The following OR6C1 variants were observed in gnomAD, a reference collection of about 807,000 sequenced individuals.
OR6C1 encodes the protein olfactory receptor family 6 subfamily C member 1, also known as olfactory receptor 6C1.
For synonymous variants in OR6C1, 157 were observed against 133.3 expected (o/e 1.18, Z -1.22); for missense variants, 386 against 366.1 (o/e 1.05, Z -0.44).
At chr12:55,320,219 G>C (rs965214669) in intron 1 of OR6C1, among the ~76,000 whole-genome samples, 2 of 152,112 alleles carry the variant, frequency 1.3e-5, no homozygotes, top group Non-Finnish European at 2.9e-5. Flanking sequence ...TAGGAAACTT[G>C]TATAGGGATT....
Position 55,320,653 on chromosome 12 carries a change from C to A in OR6C1, c.54C>A (p.Asp18Glu). 1 of 1,613,464 alleles carries A rather than the reference C, an allele frequency of 6.2e-7. No individual in the cohort carries two copies. The highest frequency in any genetic ancestry group is 1.1e-5 in the South Asian group (1 of 91,008). Residue 18 changes from aspartate to glutamate, a missense_variant, in exon 2 of 2, where the codon GAC becomes GAA. By Grantham distance (45) the Asp-to-Glu change is conservative (BLOSUM62 2). Transcript: ENST00000642104. Reference sequence around the variant, plus strand: ...TTATTCTTCTGGGATTAACAGATGACCCAAATTTTCAGGTTGTAATCTTTG... The same window carrying A: ...TTATTCTTCTGGGATTAACAGATGAACCAAATTTTCAGGTTGTAATCTTTG... Reference protein sequence around the residue: ...TEFILLGLTDDPNFQVVIFVF... With the variant: ...TEFILLGLTDEPNFQVVIFVF...
chr12:55,318,147 ATAAC>A (rs982553443), intron 1 of OR6C1, among the ~76,000 whole-genome samples: 13 of 151,716 alleles, frequency 8.6e-5, no homozygotes, highest in African/African-American at 3.1e-4. Context: ...AGCAGAGAAA[ATAAC>A]TGGCTGTGAG....
chr12:55,320,362 C>T (rs1868509222), intron 1 of OR6C1, among the ~76,000 whole-genome samples: 1 of 152,086 alleles, frequency 6.6e-6, no homozygotes, highest in Non-Finnish European at 1.5e-5. Flanking sequence ...ACTGTGATAA[C>T]AAACTTTAAT....
Position 55,320,652 on chromosome 12 carries a change from A to T in OR6C1, c.53A>T (p.Asp18Val). 6.2e-7 allele frequency: 1 copy of T among 1,613,544 alleles called. No individual in the cohort carries two copies. The highest frequency in any genetic ancestry group is 8.5e-7 in the Non-Finnish European group (1 of 1,179,604). Residue 18 changes from aspartate to valine, a missense_variant, in exon 2 of 2, where the codon GAC becomes GTC. Transcript: ENST00000642104. ...TEFILLGLTD[D>V]PNFQVVIFVF... is the part of the protein sequence containing the mutation. ...TTTATTCTTCTGGGATTAACAGATGACCCAAATTTTCAGGTTGTAATCTTT... is the reference window on the plus strand; with the variant it reads ...TTTATTCTTCTGGGATTAACAGATGTCCCAAATTTTCAGGTTGTAATCTTT...
At chr12:55,318,221 AGTGTGT>A (rs71070867) in intron 1 of OR6C1, among the ~76,000 whole-genome samples, 1,592 of 128,640 alleles carry the variant, frequency 0.012, 7 homozygotes, top group East Asian at 0.019. Flanking sequence ...AGATAAGTGG[AGTGTGT>A]GTGTGTGTGT....
At chr12:55,318,230 G>A (rs990908961) in intron 1 of OR6C1, among the ~76,000 whole-genome samples, 2 of 145,800 alleles carry the variant, frequency 1.4e-5, no homozygotes, top group Non-Finnish European at 3.0e-5. Context: ...GAGTGTGTGT[G>A]TGTGTGTGTG....
intron 1 of OR6C1, 44 bp from the exon 2 acceptor site, chr12:55,320,523 A>G: frequency 1.2e-6 from 1 of 848,882 alleles, no homozygotes; most frequent in South Asian, 1.7e-5. Context: ...GATATTTGTT[A>G]ATTGATAACT....
chr12:55,318,125 T>C (rs966707077), intron 1 of OR6C1, among the ~76,000 whole-genome samples: 7 of 151,648 alleles, frequency 4.6e-5, no homozygotes, highest in Non-Finnish European at 8.8e-5. Context: ...AGAAGGGTTA[T>C]TACTAATGAA....
chr12:55,318,249 TG>T, intron 1 of OR6C1, among the ~76,000 whole-genome samples: 2 of 148,932 alleles, frequency 1.3e-5, no homozygotes. Context: ...TGTGTGTGTG[TG>T]TGTGTGTGTG....
At position 55,320,152 on chromosome 12, in the gene OR6C1, A is replaced by G. The variant is rs150485936; in HGVS notation, c.-33-415A>G. ...TGAGACTCCACCTCAAAAAAAAACA[A>G]CCTCAAGTATCTTCTCCATATTGAG... On this transcript the variant is annotated intron_variant, in intron 1 of 1. Transcript: ENST00000642104. Among the ~76,000 whole-genome samples the G allele has an allele frequency of 5.0e-3, 763 of 152,166 alleles. 7 individuals carry two copies. The highest frequency in any genetic ancestry group is 0.017 in the African/African-American group (715 of 41,518).
rs1868475520 is a variant in OR6C1 at position 55,319,277 on chromosome 12, T to C, written c.-33-1290T>C. Among the ~76,000 whole-genome samples the C allele has an allele frequency of 4.6e-5, 7 of 152,182 alleles. No homozygotes were observed. The South Asian group carries it at 1.5e-3, about 32-fold the overall frequency. ...GTTGTTCATGGTAATGGCTTAAGTA[T>C]TTCTGATTTTCAATAAAGTGGACGT... On this transcript the variant is annotated intron_variant, in intron 1 of 1. Transcript: ENST00000642104.
rs117397858 is a variant in OR6C1 at position 55,319,467 on chromosome 12, C to T, written c.-33-1100C>T. Among the ~76,000 whole-genome samples, 34 of 152,132 alleles carry T rather than the reference C, an allele frequency of 2.2e-4. 1 individual carries two copies. The East Asian group carries it at 3.7e-3, about 16-fold the overall frequency. ...GTGGTTTTTCAGTATGTCCAAAGAA[C>T]GAAGAGAAGGTTAGAATCTGCATAA... On this transcript the variant is annotated intron_variant, in intron 1 of 1. Transcript: ENST00000642104.
Position 55,321,745 on chromosome 12 carries a change from T to C in OR6C1, c.*207T>C. 1 of 406,762 alleles carries C rather than the reference T, an allele frequency of 2.5e-6. No individual in the cohort carries two copies. The highest frequency in any genetic ancestry group is 4.0e-5 in the Admixed American group (1 of 25,228). 25.2% of individuals were successfully genotyped at this position (406,762 alleles called of 1,614,324 possible). A position where few individuals can be genotyped will look rare whatever the true frequency, so the allele number is the denominator to read the frequency against. On this transcript the variant is annotated 3_prime_UTR_variant, in exon 2 of 2. Transcript: ENST00000642104. ...ACACCCCCTCCTTTGAACAATTTTT[T>C]GTAAAATTACAAGCTCTTCAAGAAT...
intron 1 of OR6C1, among the ~76,000 whole-genome samples, chr12:55,317,797 A>G (rs1868435150): frequency 6.6e-6 from 1 of 151,686 alleles, no homozygotes; most frequent in African/African-American, 2.4e-5. Context: ...AAGAATGAGC[A>G]TAATATTCTC....
chr12:55,321,076 G>GT lies in OR6C1; in HGVS notation c.479dup (p.Leu160PhefsTer9). 6.2e-7 allele frequency: 1 copy of GT among 1,613,500 alleles called. No individual in the cohort carries two copies. The highest frequency in any genetic ancestry group is 8.5e-7 in the Non-Finnish European group (1 of 1,179,672). ...TCTTAATCATATTCCCAGCACTCAT[G>GT]TTGCTTTTAAAGCTTCATTACTGTA... On this transcript the variant is annotated frameshift_variant, in exon 2 of 2. Transcript: ENST00000642104. LOFTEE classifies it low-confidence loss of function (END_TRUNC).
Position 55,320,674 on chromosome 12 carries a change from C to G in OR6C1, c.75C>G (p.Ile25Met). The G allele has an allele frequency of 1.2e-6, 2 of 1,613,812 alleles. No homozygotes were observed. The highest frequency in any genetic ancestry group is 4.5e-5 in the East Asian group (2 of 44,866). The change falls in exon 2 of 2, where the codon ATC (isoleucine) becomes ATG (methionine). Residue 25 changes from isoleucine (I) to methionine (M), a missense_variant. Coordinates refer to ENST00000642104, the MANE Select transcript of OR6C1 (RefSeq NM_001005182.2). ...ATGACCCAAATTTTCAGGTTGTAAT[C>G]TTTGTCTTCCTGCTCATCACCTACA... ...LTDDPNFQVV[I>M]FVFLLITYML...
intron 1 of OR6C1, among the ~76,000 whole-genome samples, chr12:55,319,960 G>A (rs1868496716): frequency 6.6e-6 from 1 of 152,160 alleles, no homozygotes. Flanking sequence ...GACCAGCATG[G>A]CGAAACCCCA....
chr12:55,322,046 T>C lies in OR6C1; in HGVS notation c.*508T>C, dbSNP rs1425942495. 1 of 152,190 alleles carries C rather than the reference T, an allele frequency of 6.6e-6. No individual in the cohort carries two copies. The highest frequency in any genetic ancestry group is 2.4e-5 in the African/African-American group (1 of 41,454). 9.4% of individuals were successfully genotyped at this position (152,190 alleles called of 1,614,324 possible). Reference sequence around the variant, plus strand: ...TCATTACTCATTTTAATTAGGTATGTTGGTGAAATTAATCTATTAATAAAG... The same window carrying C: ...TCATTACTCATTTTAATTAGGTATGCTGGTGAAATTAATCTATTAATAAAG... On this transcript the variant is annotated 3_prime_UTR_variant, in exon 2 of 2. Coordinates refer to ENST00000642104, the MANE Select transcript of OR6C1 (RefSeq NM_001005182.2).
At chr12:55,319,337 A>G (rs544605665) in intron 1 of OR6C1, among the ~76,000 whole-genome samples, 2 of 152,334 alleles carry the variant, frequency 1.3e-5, no homozygotes, top group African/African-American at 2.4e-5. Context: ...ACAAAAGTTG[A>G]TCGATGGCAT....
Sources: allele counts gnomAD v4.1 joint callset (sites outside exome capture counted in the v4.1 genomes callset), GRCh38; gene constraint gnomAD v4.1.1; transcripts MANE v1.5; gene names NCBI Gene and HGNC (gene_info 2026-07-23, HGNC 2026-07-21).